Variants in MTUS2 observed in about 807,000 individuals in gnomAD.
MTUS2 encodes the protein microtubule associated scaffold protein 2.
MTUS2 carries 40 observed loss-of-function variants against 114.1 expected under a neutral mutation model. The ratio of observed to expected loss-of-function variants is 0.35; its 90% CI spans 0.27 to 0.46. The LOEUF is 0.46. Ranked by LOEUF, MTUS2 falls within the 20% of genes least tolerant of loss-of-function variation. The pLI is 1.00. For synonymous variants in MTUS2, 688 were observed against 672.0 expected (o/e 1.02, Z -0.37); for missense variants, 1,679 against 1,705.4 (o/e 0.98, Z 0.27).
intron 2 of MTUS2, among the ~76,000 whole-genome samples, chr13:28,955,251 G>A (rs1431462217): frequency 2.0e-5 from 3 of 152,192 alleles, no homozygotes; most frequent in Non-Finnish European, 2.9e-5. Flanking sequence ...GCGTAATGCA[G>A]CTTGCATTAT....
At chr13:29,030,600 A>C (rs905565838) in intron 3 of MTUS2, among the ~76,000 whole-genome samples, 11 of 152,158 alleles carry the variant, frequency 7.2e-5, no homozygotes, top group Non-Finnish European at 1.2e-4. Context: ...CAGGGAGAAA[A>C]AACAGCCGAC....
At chr13:28,849,091 T>C (rs1421164304) in intron 2 of MTUS2, among the ~76,000 whole-genome samples, 1 of 152,246 alleles carries the variant, frequency 6.6e-6, no homozygotes, top group East Asian at 1.9e-4. Context: ...GCTTTACTAA[T>C]GTATCCCCAG....
chr13:29,167,149 C>T (rs1454443366), intron 5 of MTUS2, among the ~76,000 whole-genome samples: 5 of 152,076 alleles, frequency 3.3e-5, no homozygotes, highest in Non-Finnish European at 7.4e-5. Flanking sequence ...CCTAGGCGGG[C>T]GGATCACGAG....
intron 9 of MTUS2, among the ~76,000 whole-genome samples, chr13:29,446,903 A>G (rs1333527540): frequency 6.6e-6 from 1 of 152,162 alleles, no homozygotes; most frequent in Non-Finnish European, 1.5e-5. Context: ...TCAAGAGTAG[A>G]GTCCCTATGG....
rs145841886 is a variant in MTUS2, at chr13:28,938,718, A to G, written c.-242-85739A>G. ...AAATTGAGATTCACACAGGCACAAA[A>G]AGGACAAATGTTTTACTTTAACTCT... On this transcript the variant is annotated intron_variant, in intron 2 of 15. Coordinates refer to ENST00000612955, the MANE Select transcript of MTUS2 (RefSeq NM_001033602.4). Among the ~76,000 whole-genome samples the G allele has an allele frequency of 1.1e-3, 170 of 152,114 alleles. 1 individual carries two copies. The East Asian group carries it at 0.03, about 27-fold the overall frequency.
chr13:28,861,438 T>C (rs1422347233), intron 2 of MTUS2, among the ~76,000 whole-genome samples: 3 of 86,178 alleles, frequency 3.5e-5, no homozygotes, highest in Non-Finnish European at 7.8e-5. Context: ...TCTGTTTTTT[T>C]CTTTTTTTTT....
intron 5 of MTUS2, among the ~76,000 whole-genome samples, chr13:29,241,842 T>C (rs888095569): frequency 1.3e-5 from 2 of 152,106 alleles, no homozygotes; most frequent in Admixed American, 1.3e-4. Context: ...GTCTGTCCAA[T>C]CCACCTTAGA....
At chr13:29,030,780 T>C (rs923911497) in intron 3 of MTUS2, among the ~76,000 whole-genome samples, 2 of 152,172 alleles carry the variant, frequency 1.3e-5, no homozygotes, top group Non-Finnish European at 2.9e-5. Context: ...TCAAACCAGC[T>C]TCAGACTCTT....
chr13:28,922,829 G>T (rs1364907711), intron 2 of MTUS2, among the ~76,000 whole-genome samples: 1 of 152,146 alleles, frequency 6.6e-6, no homozygotes, highest in East Asian at 1.9e-4. Flanking sequence ...AGTGCTTTTT[G>T]TGTGTAGTTA....
At chr13:29,195,886 CATG>C (rs1894676459) in intron 5 of MTUS2, among the ~76,000 whole-genome samples, 1 of 152,112 alleles carries the variant, frequency 6.6e-6, no homozygotes, top group African/African-American at 2.4e-5. Context: ...TATCCAGCCT[CATG>C]AATTTCTGGG....
intron 2 of MTUS2, among the ~76,000 whole-genome samples, chr13:29,018,975 A>G (rs1886181070): frequency 6.6e-6 from 1 of 152,088 alleles, no homozygotes; most frequent in Non-Finnish European, 1.5e-5. Flanking sequence ...TAGGTTTTTT[A>G]AAGCATTGAT....
At position 29,132,525 on chromosome 13, in the gene MTUS2, C is replaced by T. The variant is rs189027424; in HGVS notation, c.2644+31555C>T. ...CAACTCTGCATTTCCCCCAACCCTCCAGCCCCTGGAAACCACAATTCTGCT... is the reference window on the plus strand; with the variant it reads ...CAACTCTGCATTTCCCCCAACCCTCTAGCCCCTGGAAACCACAATTCTGCT... On this transcript the variant is annotated intron_variant, in intron 5 of 15. Coordinates refer to ENST00000612955, the MANE Select transcript of MTUS2 (RefSeq NM_001033602.4). Among the ~76,000 whole-genome samples the T allele has an allele frequency of 5.2e-3, 795 of 152,276 alleles. 4 individuals are homozygous for T. Among genetic ancestry groups the T allele is most frequent in the Non-Finnish European group, 9.2e-3 (629 of 68,032 alleles).
intron 2 of MTUS2, among the ~76,000 whole-genome samples, chr13:28,924,673 C>T (rs977824941): frequency 3.9e-5 from 6 of 152,318 alleles, no homozygotes; most frequent in East Asian, 3.9e-4. Context: ...CTGTGGTCAG[C>T]GCTTGTCCCG....
chr13:29,297,411 T>C (rs1183689467), intron 6 of MTUS2, among the ~76,000 whole-genome samples: 7 of 152,198 alleles, frequency 4.6e-5, no homozygotes, highest in African/African-American at 9.7e-5. Context: ...ATTCAACTTC[T>C]GATGCTCAAG....
intron 6 of MTUS2, among the ~76,000 whole-genome samples, chr13:29,297,633 C>T (rs960072552): frequency 6.6e-6 from 1 of 152,202 alleles, no homozygotes; most frequent in African/African-American, 2.4e-5. Context: ...GTTATTCTTG[C>T]TAGTTACCTT....
chr13:29,309,752 G>A (rs9551643), intron 6 of MTUS2, among the ~76,000 whole-genome samples: 26,936 of 151,670 alleles, frequency 0.18, 2,772 homozygotes, highest in East Asian at 0.39. Context: ...ATAAGGGCCT[G>A]GCATTATGCT....
chr13:29,487,779 TC>T, intron 10 of MTUS2, 120 bp from the exon 11 acceptor site: 1 of 788,506 alleles, frequency 1.3e-6, no homozygotes, highest in Non-Finnish European at 2.2e-6. Flanking sequence ...CTCTCCTGCT[TC>T]GGCACAAGGC....
intron 2 of MTUS2, among the ~76,000 whole-genome samples, chr13:28,993,917 T>C (rs984275876): frequency 2.6e-5 from 4 of 152,154 alleles, no homozygotes; most frequent in African/African-American, 9.7e-5. Flanking sequence ...TTTTTATTAT[T>C]ATACTTTAAG....
At chr13:28,832,335 G>T (rs1259405490) in intron 1 of MTUS2, among the ~76,000 whole-genome samples, 1 of 152,088 alleles carries the variant, frequency 6.6e-6, no homozygotes, top group Non-Finnish European at 1.5e-5. Flanking sequence ...GACCACAATG[G>T]AATGATATTA....
Sources: allele counts gnomAD v4.1 joint callset (sites outside exome capture counted in the v4.1 genomes callset), GRCh38; gene constraint gnomAD v4.1.1; transcripts MANE v1.5; gene names NCBI Gene and HGNC (gene_info 2026-07-23, HGNC 2026-07-21).